Variants in ELL observed in about 807,000 individuals in gnomAD.
ELL encodes the protein elongation factor for RNA polymerase II, also known as RNA polymerase II elongation factor ELL.
ELL carries 18 observed loss-of-function variants against 64.0 expected under a neutral mutation model. The ratio of observed to expected loss-of-function variants is 0.28; its 90% CI spans 0.19 to 0.42. The LOEUF is 0.42. ELL is among the 10% of genes least tolerant of loss of function. ELL has a pLI of 1.00. For missense variants in ELL, 797 were observed against 870.4 expected (o/e 0.92, Z 1.06); for synonymous variants, 399 against 376.2 (o/e 1.06, Z -0.70).
At chr19:18,459,105 C>T (rs567736707) in intron 5 of ELL, among the ~76,000 whole-genome samples, 1 of 152,298 alleles carries the variant, frequency 6.6e-6, no homozygotes, top group East Asian at 1.9e-4. Context: ...GTCTCGAGCT[C>T]CTGGCCTCAA....
chr19:18,450,731 A>G lies in ELL; in HGVS notation c.1211T>C (p.Leu404Pro), dbSNP rs1308577356. Reference sequence around the variant, plus strand: ...CTCACAGTCTCGGCCGCTGTGGCCCAGGTCATTGCTGACATCGGCCAGGGG... The same window carrying G: ...CTCACAGTCTCGGCCGCTGTGGCCCGGGTCATTGCTGACATCGGCCAGGGG... The part of the protein sequence containing the change: ...HDPLADVSND[L>P]GHSGRDCEHG... The change falls in exon 8 of 12, where the codon CTG becomes CCG. Residue 404 changes from leucine to proline, a missense_variant. By Grantham distance (98) the Leu-to-Pro change is moderately conservative. Transcript: ENST00000262809. 2 of 1,585,312 alleles carry G rather than the reference A, an allele frequency of 1.3e-6. No homozygotes were observed. Among genetic ancestry groups the G allele is most frequent in the Non-Finnish European group, 8.6e-7 (1 of 1,166,204 alleles).
intron 6 of ELL, among the ~76,000 whole-genome samples, chr19:18,454,817 G>A (rs1423138541): frequency 1.7e-5 from 2 of 117,348 alleles, no homozygotes; most frequent in Non-Finnish European, 3.6e-5. Context: ...CTCCAGCCTG[G>A]GCAACAGAGT....
chr19:18,451,510 T>TG, intron 7 of ELL, 42 bp downstream of exon 7: 1 of 1,425,356 alleles, frequency 7.0e-7, no homozygotes, highest in Non-Finnish European at 9.2e-7. Flanking sequence ...CAGAGTGCCC[T>TG]GCAGGTGCTT....
chr19:18,461,327 G>T (rs1396731832), intron 5 of ELL, among the ~76,000 whole-genome samples: 1 of 152,234 alleles, frequency 6.6e-6, no homozygotes, highest in Non-Finnish European at 1.5e-5. Context: ...GGAGGGCCTG[G>T]GCTCCATGCT....
At chr19:18,512,956 GCAA>G (rs1291119167) in intron 1 of ELL, among the ~76,000 whole-genome samples, 8 of 152,184 alleles carry the variant, frequency 5.3e-5, no homozygotes, top group African/African-American at 1.9e-4. Flanking sequence ...GACACGGGGC[GCAA>G]CAACAGCATC....
chr19:18,503,402 G>T (rs886813277), intron 1 of ELL, among the ~76,000 whole-genome samples: 6 of 152,358 alleles, frequency 3.9e-5, no homozygotes, highest in Admixed American at 6.5e-5. Context: ...CCCAGCAAGT[G>T]GGGGGCACGT....
At chr19:18,450,351 C>A in intron 8 of ELL, 126 bp downstream of exon 8, 1 of 1,448,214 alleles carries the variant, frequency 6.9e-7, no homozygotes. Context: ...TCTGATGGGG[C>A]CTGGGGCAAC....
chr19:18,511,992 TAAAAATAC>T (rs1458751888), intron 1 of ELL, among the ~76,000 whole-genome samples: 1 of 151,180 alleles, frequency 6.6e-6, no homozygotes, highest in East Asian at 2.0e-4. Flanking sequence ...CCGTCTCTAC[TAAAAATAC>T]AAAAATTAGC....
At chr19:18,498,807 A>T (rs186696764) in intron 1 of ELL, among the ~76,000 whole-genome samples, 1 of 152,210 alleles carries the variant, frequency 6.6e-6, no homozygotes, top group African/African-American at 2.4e-5. Flanking sequence ...AAAATTAGCC[A>T]GGTGTGGTGG....
intron 1 of ELL, among the ~76,000 whole-genome samples, chr19:18,495,845 C>T (rs1003618411): frequency 2.0e-5 from 3 of 152,202 alleles, no homozygotes; most frequent in Non-Finnish European, 4.4e-5. Flanking sequence ...ACATGGACAG[C>T]GCCAGCCAGG....
At chr19:18,473,189 C>T (rs1468654672) in intron 1 of ELL, 1 of 633,818 alleles carries the variant, frequency 1.6e-6, no homozygotes, top group African/African-American at 1.8e-5. Context: ...AGTGTGCCAT[C>T]CTTGGAAAGC....
chr19:18,509,598 TACAC>T (rs1183127480), intron 1 of ELL, among the ~76,000 whole-genome samples: 4,553 of 81,648 alleles, frequency 0.056, 151 homozygotes, highest in Admixed American at 0.076. Context: ...CGCGCGCACA[TACAC>T]ACACACACAC....
intron 6 of ELL, among the ~76,000 whole-genome samples, chr19:18,456,536 T>C (rs1423912094): frequency 1.3e-5 from 2 of 152,090 alleles, no homozygotes; most frequent in African/African-American, 4.8e-5. Flanking sequence ...ATATAGACTC[T>C]GGCATGGGGC....
intron 4 of ELL, among the ~76,000 whole-genome samples, chr19:18,463,359 G>C (rs1341500192): frequency 1.7e-5 from 2 of 120,262 alleles, no homozygotes. Context: ...TTTTGAGACA[G>C]AGTCTCACTC....
Position 18,480,755 on chromosome 19 carries a change from T to A in ELL, c.136-7873A>T, listed in dbSNP as rs1320004624. Among the ~76,000 whole-genome samples the A allele has an allele frequency of 3.3e-5, 5 of 152,084 alleles. No individual in the cohort carries two copies. In the East Asian group the frequency reaches 9.6e-4, roughly 29 times the overall value. On this transcript the variant is annotated intron_variant, in intron 1 of 11. Coordinates refer to ENST00000262809, the MANE Select transcript of ELL (RefSeq NM_006532.4). ...GCTCAGGTGATCCTCCTGCCTCAGCTCCCGAGTAGCTGGGACCACAGGCAC... is the reference window on the plus strand; with the variant it reads ...GCTCAGGTGATCCTCCTGCCTCAGCACCCGAGTAGCTGGGACCACAGGCAC...
chr19:18,475,489 C>CT (rs34771824), intron 1 of ELL, among the ~76,000 whole-genome samples: 77,682 of 152,004 alleles, frequency 0.51, 23,873 homozygotes, highest in African/African-American at 0.88. Flanking sequence ...AGCAATTCCA[C>CT]CCCGGGTATA....
intron 7 of ELL, 125 bp from the exon 8 acceptor site, chr19:18,451,100 C>G: frequency 7.5e-7 from 1 of 1,324,832 alleles, no homozygotes; most frequent in East Asian, 2.6e-5. Context: ...CATGGGGGCG[C>G]CCGAGCACCA....
At chr19:18,503,609 G>A (rs981012528) in intron 1 of ELL, among the ~76,000 whole-genome samples, 2 of 152,210 alleles carry the variant, frequency 1.3e-5, no homozygotes, top group African/African-American at 4.8e-5. Context: ...CTCAGGGTAC[G>A]TGCAGAGCCA....
chr19:18,472,798 A>G, intron 2 of ELL, 37 bp downstream of exon 2: 4 of 1,599,650 alleles, frequency 2.5e-6, no homozygotes, highest in East Asian at 2.2e-5. Flanking sequence ...TACCAGTCCC[A>G]AGATTCCAAA....
Sources: allele counts gnomAD v4.1 joint callset (sites outside exome capture counted in the v4.1 genomes callset), GRCh38; gene constraint gnomAD v4.1.1; transcripts MANE v1.5; gene names NCBI Gene and HGNC (gene_info 2026-07-23, HGNC 2026-07-21).